Variants in HELB observed in about 807,000 individuals in gnomAD.
HELB encodes the protein DNA 5'-3' helicase B.
Under a neutral mutation model 101.7 loss-of-function variants are expected in HELB, and 96 were observed. The ratio of observed to expected loss-of-function variants is 0.94; its 90% confidence interval spans 0.80 to 1.12. The LOEUF (loss-of-function observed/expected upper bound fraction) is 1.12, where lower values mean the gene tolerates loss of function less well. Ranked by LOEUF, HELB falls within the 50% of genes most tolerant of loss-of-function variation. The pLI is 0.00. For missense variants in HELB, 1,210 were observed against 1,291.9 expected (o/e 0.94, Z 0.97); for synonymous variants, 437 against 459.7 (o/e 0.95, Z 0.63).
At position 66,314,054 on chromosome 12, in the gene HELB, G is replaced by A. The variant is rs143344096; in HGVS notation, c.1749G>A (p.Ser583=). ...CAAACAAACCATGGAAATTTTCTTC[G>A]GTTAGAGTTCTGGTTGTGGATGAAG... ...MTTNKPWKFS[S]VRVLVVDEGS... is the part of the protein sequence containing the mutation. The change falls in exon 5 of 13, where the codon TCG becomes TCA. Residue 583 remains serine, a synonymous_variant. Coordinates refer to ENST00000247815, the MANE Select transcript of HELB (RefSeq NM_001370285.1). 2.9e-5 allele frequency: 47 copies of A among 1,613,734 alleles called. No individual in the cohort carries two copies. The East Asian group carries it at 4.5e-4, about 15-fold the overall frequency.
chr12:66,319,686 CA>C (rs994055777), intron 7 of HELB, among the ~76,000 whole-genome samples: 134 of 152,174 alleles, frequency 8.8e-4, no homozygotes, highest in African/African-American at 3.0e-3. Flanking sequence ...CCACTGTTCT[CA>C]AAGGTATATC....
intron 3 of HELB, among the ~76,000 whole-genome samples, chr12:66,307,512 C>T (rs142941083): frequency 1.0e-3 from 153 of 152,288 alleles, no homozygotes; most frequent in African/African-American, 3.4e-3. Context: ...ATTAACAATA[C>T]ACATTGTGTT....
chr12:66,303,856 A>G (rs1327651484), intron 1 of HELB, among the ~76,000 whole-genome samples: 1 of 152,230 alleles, frequency 6.6e-6, no homozygotes, highest in Non-Finnish European at 1.5e-5. Flanking sequence ...GGTGCTGTTC[A>G]GTAGAACTTT....
intron 12 of HELB, among the ~76,000 whole-genome samples, chr12:66,333,541 C>A (rs1466509413): frequency 1.3e-5 from 2 of 151,694 alleles, no homozygotes; most frequent in Non-Finnish European, 2.9e-5. Context: ...AAAAAATTAG[C>A]CAGGCATGGT....
rs149157869 is a variant in HELB at position 66,314,005 on chromosome 12, C to T, written c.1700C>T (p.Ser567Leu). The change falls in exon 5 of 13, where the codon TCA becomes TTA. Residue 567 changes from serine to leucine, a missense_variant. This residue lies in a region of HELB where 740 missense variants were observed against 728.8 expected (regional missense o/e 1.02). Coordinates refer to ENST00000247815, the MANE Select transcript of HELB (RefSeq NM_001370285.1). ...TTGTAGGTCAATTATAGCTTCTATT[C>T]ATGGACTCAAACAATGATGACCACA... ...TLCQVNYSFY[S>L]WTQTMMTTNK... is the part of the protein sequence containing the mutation. 1.5e-4 allele frequency: 235 copies of T among 1,613,644 alleles called. 1 individual carries two copies. The African/African-American group carries it at 2.8e-3, about 19-fold the overall frequency.
chr12:66,302,870 G>T, intron 1 of HELB, 80 bp downstream of exon 1: 3 of 1,251,888 alleles, frequency 2.4e-6, no homozygotes. Flanking sequence ...CCTGAGCAAG[G>T]CACCCAGTCG....
intron 11 of HELB, among the ~76,000 whole-genome samples, chr12:66,329,679 TGAG>T (rs541176237): frequency 9.2e-5 from 14 of 152,096 alleles, no homozygotes; most frequent in Non-Finnish European, 2.1e-4. Context: ...GTGGCTGCCA[TGAG>T]GATGATGGAT....
intron 12 of HELB, 97 bp from the exon 13 acceptor site, chr12:66,337,904 A>C (rs904207607): frequency 1.4e-5 from 10 of 702,954 alleles, no homozygotes; most frequent in Admixed American, 2.7e-5. Flanking sequence ...GGGAAGGTGC[A>C]TGATTTCTTT....
chr12:66,324,557 A>G (rs2053713421), intron 10 of HELB: 1 of 253,380 alleles, frequency 3.9e-6, no homozygotes, highest in Non-Finnish European at 7.6e-6. Context: ...AAAAAGCATC[A>G]TTTCCTTTGT....
Position 66,322,802 on chromosome 12 carries a change from T to C in HELB, c.2297+19T>C. ...TCACCAAGTGAGTGTCTTCGAGAACTGAAACTTTTAAGGACAGTCCTTCTT... is the reference window on the plus strand; with the variant it reads ...TCACCAAGTGAGTGTCTTCGAGAACCGAAACTTTTAAGGACAGTCCTTCTT... On this transcript the variant is annotated intron_variant, in intron 9 of 12. Transcript: ENST00000247815. The C allele has an allele frequency of 6.4e-7, 1 of 1,565,306 alleles. No individual in the cohort carries two copies. Among genetic ancestry groups the C allele is most frequent in the Non-Finnish European group, 8.7e-7 (1 of 1,144,020 alleles).
rs991961371 is a variant in HELB at position 66,304,923 on chromosome 12, G to T, written c.380G>T (p.Cys127Phe). 4 of 1,613,936 alleles carry T rather than the reference G, an allele frequency of 2.5e-6. No individual in the cohort carries two copies. The Admixed American group carries it at 5.0e-5, about 20-fold the overall frequency. ...DMSPPNQKHI[C>F]ALFLKECEVS... ...TCACCACCAAATCAAAAACATATCT[G>T]TGCTCTCTTTCTTAAAGAGTGTGAG... The change falls in exon 2 of 13, where the codon TGT (cysteine) becomes TTT (phenylalanine). Residue 127 changes from cysteine to phenylalanine, a missense_variant. Cys to Phe is a radical substitution (Grantham distance 205). Around this residue, in one of 2 missense-constraint regions of HELB, gnomAD observed 470 missense variants for 563.1 expected, o/e 0.83. Coordinates refer to ENST00000247815, the MANE Select transcript of HELB (RefSeq NM_001370285.1).
intron 8 of HELB, 109 bp downstream of exon 8, chr12:66,322,138 T>C: frequency 1.8e-6 from 1 of 564,778 alleles, no homozygotes; most frequent in Non-Finnish European, 3.2e-6. Context: ...TCACTGTTAA[T>C]TCTCTTTCTT....
chr12:66,312,326 G>A (rs752721466), intron 4 of HELB, among the ~76,000 whole-genome samples: 2 of 152,084 alleles, frequency 1.3e-5, no homozygotes, highest in Non-Finnish European at 2.9e-5. Flanking sequence ...AATGAAACTC[G>A]AACTTGATCT....
intron 11 of HELB, among the ~76,000 whole-genome samples, chr12:66,329,867 A>AGAGT (rs2053784869): frequency 6.6e-6 from 1 of 152,208 alleles, no homozygotes; most frequent in Admixed American, 6.5e-5. Context: ...TCCAAGGTGA[A>AGAGT]GAGTGGTGCC....
At chr12:66,312,006 A>G (rs367848439) in intron 4 of HELB, among the ~76,000 whole-genome samples, 1 of 152,216 alleles carries the variant, frequency 6.6e-6, no homozygotes, top group Non-Finnish European at 1.5e-5. Flanking sequence ...GAGGATTTTG[A>G]GGTGACTTCA....
rs151185089 is a variant in HELB, at chr12:66,310,082, T to C, written c.1154T>C (p.Val385Ala). Residue 385 changes from valine to alanine, a missense_variant, in exon 4 of 13, where the codon GTG becomes GCG. Around this residue, in one of 2 missense-constraint regions of HELB, gnomAD observed 470 missense variants for 563.1 expected, o/e 0.83. Transcript: ENST00000247815. ...PWHLCVDVEK[V>A]LASIHTTKPE... ...CATTTATGTGTCGATGTCGAAAAGG[T>C]GCTTGCCTCTATTCACACCACAAAA... The C allele has an allele frequency of 5.2e-5, 84 of 1,614,178 alleles. No individual in the cohort carries two copies. The African/African-American group carries it at 1.0e-3, about 20-fold the overall frequency.
rs779668362 is a variant in HELB at position 66,305,193 on chromosome 12, A to G, written c.607+43A>G. 9.7e-6 allele frequency: 11 copies of G among 1,128,980 alleles called. No homozygotes were observed. In the South Asian group the frequency reaches 1.3e-4, roughly 14 times the overall value. The allele number at this position is 1,128,980 out of a possible 1,614,324, so 69.9% of individuals were successfully genotyped here. A position where few individuals can be genotyped will look rare whatever the true frequency, so the allele number is the denominator to read the frequency against. On this transcript the variant is annotated intron_variant, in intron 2 of 12. Coordinates refer to ENST00000247815, the MANE Select transcript of HELB (RefSeq NM_001370285.1). Reference sequence around the variant, plus strand: ...CATCAACTTTCAGTGTAATTGACATACTTAATAACTACAGTGTTTAAAATG... The same window carrying G: ...CATCAACTTTCAGTGTAATTGACATGCTTAATAACTACAGTGTTTAAAATG...
chr12:66,304,948 G>A lies in HELB; in HGVS notation c.405G>A (p.Glu135=). 6.2e-7 allele frequency: 1 copy of A among 1,613,894 alleles called. No individual in the cohort carries two copies. Among genetic ancestry groups the A allele is most frequent in the Non-Finnish European group, 8.5e-7 (1 of 1,179,902 alleles). ...HICALFLKEC[E]VSSDDVNKFL... ...GTGCTCTCTTTCTTAAAGAGTGTGA[G>A]GTCTCCAGTGATGATGTTAATAAAT... The change falls in exon 2 of 13, where the codon GAG becomes GAA. Residue 135 remains glutamate, a synonymous_variant. Transcript: ENST00000247815.
At position 66,306,471 on chromosome 12, in the gene HELB, A is replaced by G. The variant is rs2053477681; in HGVS notation, c.734A>G (p.Glu245Gly). The change falls in exon 3 of 13, where the codon GAA becomes GGA. Residue 245 changes from glutamate to glycine, a missense_variant. Around this residue, in one of 2 missense-constraint regions of HELB, gnomAD observed 470 missense variants for 563.1 expected, o/e 0.83. Transcript: ENST00000247815. ...SGSKEMLKEIEEILGTHPWKL... is the reference protein window; with the variant it reads ...SGSKEMLKEIGEILGTHPWKL... ...TCTAAAGAGATGTTGAAAGAGATAG[A>G]AGAGATTTTAGGTACACATCCGTGG... 79 of 1,603,918 alleles carry G rather than the reference A, an allele frequency of 4.9e-5. No homozygotes were observed. Among genetic ancestry groups the G allele is most frequent in the Non-Finnish European group, 6.7e-5 (79 of 1,175,540 alleles).
Sources: allele counts gnomAD v4.1 joint callset (sites outside exome capture counted in the v4.1 genomes callset), GRCh38; gene constraint gnomAD v4.1.1; regional missense constraint gnomAD v4.1.1; transcripts MANE v1.5; gene names NCBI Gene and HGNC (gene_info 2026-07-23, HGNC 2026-07-21).